Variants in WDR27 observed in about 807,000 individuals in gnomAD.
WDR27 encodes WD repeat domain 27.
A neutral mutation model predicts 114.4 loss-of-function variants in WDR27; 100 were observed. The ratio of observed to expected loss-of-function variants is 0.87; its 90% confidence interval spans 0.74 to 1.03. The LOEUF is 1.03. WDR27 is among the 50% of genes least tolerant of loss of function. WDR27 has a pLI of 0.00. For missense variants in WDR27, 1,129 were observed against 1,092.9 expected, an observed-to-expected ratio of 1.03 and a Z score of -0.47; for synonymous variants, 449 against 423.1, an observed-to-expected ratio of 1.06 and a Z score of -0.75.
At chr6:169,513,702 T>TAAACAATGTGTTTATTTATAAG (rs1426984152) in intron 25 of WDR27, among the ~76,000 whole-genome samples, 6 of 67,736 alleles carry the variant, frequency 8.9e-5, no homozygotes, top group South Asian at 5.8e-4. Flanking sequence ...TTATAAGTAA[T>TAAACAATGTGTTTATTTATAAG]TACTTATAAA....
intron 25 of WDR27, among the ~76,000 whole-genome samples, chr6:169,534,078 T>G (rs1795939973): frequency 6.6e-6 from 1 of 152,244 alleles, no homozygotes; most frequent in Non-Finnish European, 1.5e-5. Flanking sequence ...TTTGCTGCTG[T>G]TGCTGTTGCT....
intron 24 of WDR27, among the ~76,000 whole-genome samples, chr6:169,581,019 G>A (rs9295011): frequency 0.48 from 71,829 of 148,836 alleles, 21,090 homozygotes; most frequent in Non-Finnish European, 0.67. Context: ...TGATGTATAC[G>A]TATACATAAC....
chr6:169,567,275 C>A (rs1354616740), intron 25 of WDR27, among the ~76,000 whole-genome samples: 2 of 152,174 alleles, frequency 1.3e-5, no homozygotes, highest in Non-Finnish European at 2.9e-5. Context: ...CCCTTCCCTG[C>A]AGGTGTGAGG....
the WDR27 span, among the ~76,000 whole-genome samples, chr6:169,450,527 G>T: frequency 6.6e-6 from 1 of 152,174 alleles, no homozygotes; most frequent in East Asian, 1.9e-4. Flanking sequence ...TGCCTCTCCC[G>T]TTTAAGGGAA....
intron 23 of WDR27, among the ~76,000 whole-genome samples, chr6:169,598,126 C>G (rs1010627919): frequency 2.0e-5 from 3 of 152,174 alleles, no homozygotes; most frequent in Non-Finnish European, 4.4e-5. Flanking sequence ...AGTGCTGAAC[C>G]TGAATATGAA....
chr6:169,427,804 A>AC, the WDR27 span, among the ~76,000 whole-genome samples: 1 of 124,828 alleles, frequency 8.0e-6, no homozygotes, highest in African/African-American at 3.1e-5. Context: ...AAGACAAACA[A>AC]CAACCAAAAA....
chr6:169,589,710 A>G (rs755882821), intron 23 of WDR27, among the ~76,000 whole-genome samples: 2 of 152,228 alleles, frequency 1.3e-5, no homozygotes, highest in Admixed American at 1.3e-4. Flanking sequence ...GTGATCCTAC[A>G]CAGTGTCATA....
At chr6:169,680,907 C>T (rs1434859699) in intron 2 of WDR27, among the ~76,000 whole-genome samples, 1 of 152,128 alleles carries the variant, frequency 6.6e-6, no homozygotes, top group Non-Finnish European at 1.5e-5. Flanking sequence ...TTTCAAAATA[C>T]ATAAAGTAAA....
chr6:169,581,564 G>A (rs544107674), intron 24 of WDR27, among the ~76,000 whole-genome samples: 89 of 152,226 alleles, frequency 5.8e-4, no homozygotes, highest in Middle Eastern at 3.4e-3. Flanking sequence ...GACGTATGTC[G>A]CAGTATTATT....
chr6:169,484,066 T>A (rs1397097125), intron 25 of WDR27, among the ~76,000 whole-genome samples: 3 of 152,162 alleles, frequency 2.0e-5, no homozygotes, highest in African/African-American at 7.2e-5. Context: ...ACAGCCAATG[T>A]TGTACTGAAT....
intron 17 of WDR27, among the ~76,000 whole-genome samples, chr6:169,638,975 C>T (rs1818436538): frequency 6.6e-6 from 1 of 152,054 alleles, no homozygotes; most frequent in Admixed American, 6.6e-5. Context: ...CTGCATGGTG[C>T]TGGGTACTGT....
At chr6:169,696,608 T>C (rs1413488786) in intron 1 of WDR27, among the ~76,000 whole-genome samples, 1 of 152,192 alleles carries the variant, frequency 6.6e-6, no homozygotes, top group Non-Finnish European at 1.5e-5. Context: ...ACAGGACCCC[T>C]TCATGTCTTA....
chr6:169,535,830 G>A (rs1473648028), intron 25 of WDR27, among the ~76,000 whole-genome samples: 1 of 152,170 alleles, frequency 6.6e-6, no homozygotes, highest in Non-Finnish European at 1.5e-5. Flanking sequence ...CACTGTAAAT[G>A]ATAAACAAGA....
the WDR27 span, among the ~76,000 whole-genome samples, chr6:169,449,076 G>A: frequency 1.3e-5 from 2 of 152,194 alleles, no homozygotes; most frequent in Non-Finnish European, 2.9e-5. Context: ...GACGTGTATT[G>A]TTTCAAAGGC....
the WDR27 span, among the ~76,000 whole-genome samples, chr6:169,451,116 CAT>C: frequency 6.6e-6 from 1 of 152,194 alleles, no homozygotes; most frequent in Non-Finnish European, 1.5e-5. Flanking sequence ...CCTCCGCTCA[CAT>C]GAGACAAACA....
At chr6:169,491,653 C>G (rs1416677288) in intron 25 of WDR27, among the ~76,000 whole-genome samples, 1 of 152,128 alleles carries the variant, frequency 6.6e-6, no homozygotes, top group Non-Finnish European at 1.5e-5. Context: ...GGGCAGGGAG[C>G]TCACATTCCA....
intron 6 of WDR27, 131 bp downstream of exon 6, chr6:169,667,005 C>T: frequency 7.8e-7 from 1 of 1,288,202 alleles, no homozygotes; most frequent in African/African-American, 1.5e-5. Context: ...GAGTGAAGGG[C>T]TGTAAGTCTG....
At chr6:169,564,467 T>C (rs550829394) in intron 25 of WDR27, among the ~76,000 whole-genome samples, 1 of 152,326 alleles carries the variant, frequency 6.6e-6, no homozygotes, top group East Asian at 1.9e-4. Flanking sequence ...ACCATCACGG[T>C]GGCACAGGGC....
intron 21 of WDR27, among the ~76,000 whole-genome samples, chr6:169,630,120 A>G (rs1225153309): frequency 1.3e-5 from 2 of 152,196 alleles, no homozygotes; most frequent in Non-Finnish European, 2.9e-5. Flanking sequence ...AGACAACTAC[A>G]TAACATCTCA....
Sources: gnomAD v4.1 joint callset for allele counts (sites outside exome capture counted in the v4.1 genomes callset) on GRCh38, gnomAD v4.1.1 for gene constraint, MANE v1.5 for transcripts, NCBI Gene and HGNC (gene_info 2026-07-23, HGNC 2026-07-21) for gene names.